Variants in ARHGAP10 observed in about 807,000 individuals in gnomAD.
ARHGAP10 encodes rho GTPase-activating protein 10.
Under a neutral mutation model 108.6 loss-of-function variants are expected in ARHGAP10, and 87 were observed. The ratio of observed to expected loss-of-function variants is 0.80; its 90% confidence interval spans 0.67 to 0.96. The LOEUF is 0.96. Among genes scored for constraint, ARHGAP10 ranks in the 40% least tolerant of loss-of-function variants. The pLI is 0.00. For synonymous variants in ARHGAP10, 347 were observed against 341.1 expected (o/e 1.02, Z -0.19); for missense variants, 939 against 954.5 (o/e 0.98, Z 0.21).
chr4:147,941,784 T>G (rs1012749460), intron 14 of ARHGAP10, among the ~76,000 whole-genome samples: 1 of 152,222 alleles, frequency 6.6e-6, no homozygotes, highest in African/African-American at 2.4e-5. Flanking sequence ...ATTTTCTTAT[T>G]ACCTTATGCT....
chr4:147,909,139 G>C (rs957407050), intron 11 of ARHGAP10, among the ~76,000 whole-genome samples: 14 of 152,176 alleles, frequency 9.2e-5, no homozygotes, highest in African/African-American at 2.9e-4. Flanking sequence ...TGCCAGATTA[G>C]CTCACAGAAC....
rs1728697208 is a variant in ARHGAP10 at position 147,742,014 on chromosome 4, T to G, written c.154+9559T>G. The stretch of plus-strand genomic sequence containing the variant: ...TTTCAACGGTGAGTGTGATTTCTCC[T>G]GACTTGTTGACTTGTTTACCCACAG... On this transcript the variant is annotated intron_variant, in intron 1 of 22. Transcript: ENST00000336498. Among the ~76,000 whole-genome samples, 2 of 152,070 alleles carry G rather than the reference T, an allele frequency of 1.3e-5. 1 individual carries two copies. The highest frequency in any genetic ancestry group is 4.2e-4 in the South Asian group (2 of 4,804).
chr4:147,872,471 A>C (rs1211860953), intron 7 of ARHGAP10, among the ~76,000 whole-genome samples: 1 of 152,204 alleles, frequency 6.6e-6, no homozygotes, highest in Non-Finnish European at 1.5e-5. Context: ...TTGTGTGTTT[A>C]TATAAACACG....
intron 1 of ARHGAP10, among the ~76,000 whole-genome samples, chr4:147,817,300 C>A (rs1441540083): frequency 6.6e-6 from 1 of 152,144 alleles, no homozygotes; most frequent in African/African-American, 2.4e-5. Context: ...GGTTATCCTG[C>A]ACTGACAGTG....
chr4:147,849,292 G>A (rs1005018245), intron 4 of ARHGAP10, among the ~76,000 whole-genome samples: 3 of 147,630 alleles, frequency 2.0e-5, no homozygotes, highest in Admixed American at 6.8e-5. Context: ...AATACATAAA[G>A]TATCTAATAA....
rs569354831 is a variant in ARHGAP10, at chr4:147,815,094, G to A, written c.155-7633G>A. 3.3e-5 allele frequency among the ~76,000 whole-genome samples: 5 copies of A among 152,262 alleles called. No homozygotes were observed. In the East Asian group the frequency reaches 5.8e-4, roughly 18 times the overall value. On this transcript the variant is annotated intron_variant, in intron 1 of 22. Transcript: ENST00000336498. ...TCACTAGGTGTTGGCATAGTTACCAGAAAATCCTTAAAGGACCCTCCTCAT... is the reference window on the plus strand; with the variant it reads ...TCACTAGGTGTTGGCATAGTTACCAAAAAATCCTTAAAGGACCCTCCTCAT...
chr4:147,798,779 CTCTATATATA>C (rs1731451327), intron 1 of ARHGAP10, among the ~76,000 whole-genome samples: 2 of 3,526 alleles, frequency 5.7e-4, no homozygotes, highest in African/African-American at 8.1e-4. Context: ...CTCTCTCTCT[CTCTATATATA>C]TATATATATA....
intron 18 of ARHGAP10, among the ~76,000 whole-genome samples, chr4:147,975,932 C>T (rs759982035): frequency 3.5e-4 from 53 of 152,180 alleles, no homozygotes; most frequent in Non-Finnish European, 1.6e-4. Context: ...CTCTCTTTGC[C>T]ACGATCAGTA....
At chr4:147,904,461 C>T (rs1322056452) in intron 10 of ARHGAP10, among the ~76,000 whole-genome samples, 2 of 151,592 alleles carry the variant, frequency 1.3e-5, no homozygotes, top group East Asian at 1.9e-4. Flanking sequence ...CAGTTCCCAC[C>T]TATGAGTGAG....
At chr4:147,954,757 C>A (rs1419012560) in intron 15 of ARHGAP10, among the ~76,000 whole-genome samples, 2 of 151,858 alleles carry the variant, frequency 1.3e-5, no homozygotes. Context: ...CCTTATGTAA[C>A]TTGTTTTGTA....
At chr4:147,741,525 T>A (rs1728655120) in intron 1 of ARHGAP10, among the ~76,000 whole-genome samples, 1 of 152,096 alleles carries the variant, frequency 6.6e-6, no homozygotes, top group South Asian at 2.1e-4. Flanking sequence ...TCAAGCTAGT[T>A]GGGGCAGATG....
intron 19 of ARHGAP10, among the ~76,000 whole-genome samples, chr4:148,041,415 G>C (rs1440613333): frequency 6.6e-6 from 1 of 152,314 alleles, no homozygotes; most frequent in East Asian, 1.9e-4. Flanking sequence ...AAATGGCAGG[G>C]AAGCCCAAAG....
At chr4:147,961,984 T>C (rs1739016673) in intron 16 of ARHGAP10, among the ~76,000 whole-genome samples, 1 of 152,214 alleles carries the variant, frequency 6.6e-6, no homozygotes, top group African/African-American at 2.4e-5. Context: ...CTCAGTTAGC[T>C]TTCTGTAGAA....
At chr4:147,795,480 C>T (rs1457517430) in intron 1 of ARHGAP10, among the ~76,000 whole-genome samples, 1 of 152,030 alleles carries the variant, frequency 6.6e-6, no homozygotes, top group Admixed American at 6.6e-5. Flanking sequence ...TACAGGGTCT[C>T]TGTGGGTCCT....
intron 16 of ARHGAP10, among the ~76,000 whole-genome samples, chr4:147,962,912 C>T (rs1024159008): frequency 5.9e-5 from 9 of 152,144 alleles, no homozygotes; most frequent in Admixed American, 2.0e-4. Flanking sequence ...CTGCCTGCCT[C>T]GGCCTCCCAA....
intron 7 of ARHGAP10, among the ~76,000 whole-genome samples, chr4:147,867,117 C>T (rs777704755): frequency 5.3e-5 from 8 of 152,194 alleles, no homozygotes; most frequent in Non-Finnish European, 8.8e-5. Context: ...GAGCACTCCA[C>T]TTTAAGGCAT....
In ARHGAP10 at chr4:148,039,368, A is replaced by ATTTTTTTTTTTTTTTTTTTTT. The variant is rs34876546; in HGVS notation, c.1868-7515_1868-7495dup. The stretch of plus-strand genomic sequence containing the variant: ...TTAATACTTTAAGAATACTACTTCA[A>ATTTTTTTTTTTTTTTTTTTTT]TTTTTTTTTTTTTTTTTTTTTTTTT... On this transcript the variant is annotated intron_variant, in intron 19 of 22. Coordinates refer to ENST00000336498, the MANE Select transcript of ARHGAP10 (RefSeq NM_024605.4). Among the ~76,000 whole-genome samples the ATTTTTTTTTTTTTTTTTTTTT allele has an allele frequency of 2.1e-4, 15 of 73,088 alleles. 1 individual carries two copies. Among genetic ancestry groups the ATTTTTTTTTTTTTTTTTTTTT allele is most frequent in the East Asian group, 1.3e-3 (3 of 2,252 alleles). The allele number at this position is 73,088 out of a possible 152,430, so 47.9% of individuals were successfully genotyped here.
At chr4:147,909,827 C>T in intron 12 of ARHGAP10, 50 bp downstream of exon 12, 2 of 1,544,872 alleles carry the variant, frequency 1.3e-6, no homozygotes, top group Non-Finnish European at 1.8e-6. Context: ...CCATCTATTA[C>T]TTTGTGTACA....
intron 13 of ARHGAP10, among the ~76,000 whole-genome samples, chr4:147,931,313 G>GA (rs5862824): frequency 1.5e-4 from 22 of 145,824 alleles, no homozygotes; most frequent in Admixed American, 6.1e-4. Flanking sequence ...TATTAAGAGA[G>GA]AAAAAAAAAA....
Sources: allele counts gnomAD v4.1 joint callset (sites outside exome capture counted in the v4.1 genomes callset), GRCh38; gene constraint gnomAD v4.1.1; transcripts MANE v1.5; gene names NCBI Gene and HGNC (gene_info 2026-07-23, HGNC 2026-07-21).